OGFOD1: variants seen among roughly 807,000 people sequenced by gnomAD.
OGFOD1 encodes the protein prolyl 3-hydroxylase OGFOD1.
In OGFOD1, 54 loss-of-function variants were observed where a neutral mutation model predicts 67.7. The ratio of observed to expected loss-of-function variants is 0.80; its 90% confidence interval spans 0.64 to 1.00. OGFOD1 has a LOEUF of 1.00. OGFOD1 is among the 50% of genes least tolerant of loss of function. The pLI, the probability that OGFOD1 is intolerant of heterozygous loss-of-function variation, is 0.00. For synonymous variants in OGFOD1, 221 were observed against 227.0 expected (o/e 0.97, Z 0.24); for missense variants, 606 against 646.7 (o/e 0.94, Z 0.68).
chr16:56,453,386 A>C lies in OGFOD1; in HGVS notation c.278A>C (p.Asn93Thr), dbSNP rs759136105. 5 of 1,610,620 alleles carry C rather than the reference A, an allele frequency of 3.1e-6. No individual in the cohort carries two copies. The East Asian group carries it at 1.1e-4, about 36-fold the overall frequency. Residue 93 changes from asparagine to threonine, a missense_variant, in exon 2 of 13, where the codon AAT becomes ACT. Physicochemically the swap from Asn to Thr is moderately conservative, Grantham distance 65 (BLOSUM62 0). Transcript: ENST00000566157. ...AACTTGGACTTCCATGAGAAGTATA[A>C]TGATTTATATAAGTTCCAGCAGGTA... Reference protein sequence around the residue: ...LMNLDFHEKYNDLYKFQQSDD... With the variant: ...LMNLDFHEKYTDLYKFQQSDD...
intron 10 of OGFOD1, 62 bp from the exon 11 acceptor site, chr16:56,474,766 G>A (rs1240780260): frequency 6.5e-6 from 9 of 1,380,332 alleles, no homozygotes; most frequent in Non-Finnish European, 9.0e-6. Flanking sequence ...TGATTCCCTT[G>A]CAATCCAACA....
At chr16:56,467,015 A>C in intron 6 of OGFOD1, 48 bp downstream of exon 6, 1 of 1,539,080 alleles carries the variant, frequency 6.5e-7, no homozygotes, top group Non-Finnish European at 9.0e-7. Context: ...ATGTTTTTTA[A>C]TCACCCATTA....
chr16:56,470,772 G>A lies in OGFOD1; in HGVS notation c.1266G>A (p.Glu422=), dbSNP rs748402653. The A allele has an allele frequency of 9.4e-6, 15 of 1,596,006 alleles. No individual in the cohort carries two copies. Among genetic ancestry groups the A allele is most frequent in the Non-Finnish European group, 1.3e-5 (15 of 1,172,352 alleles). ...QSNEQTDPEP[E]ENETKKESSV... ...ATGAGCAGACAGACCCAGAGCCAGA[G>A]GAAAATGAAACAAAGAAAGGTAAGC... Residue 422 remains glutamate, a synonymous_variant, in exon 10 of 13, where the codon GAG becomes GAA. Coordinates refer to ENST00000566157, the MANE Select transcript of OGFOD1 (RefSeq NM_018233.4).
intron 1 of OGFOD1, among the ~76,000 whole-genome samples, 179 bp from the exon 2 acceptor site, chr16:56,453,084 G>A (rs371244314): frequency 6.6e-5 from 10 of 152,306 alleles, no homozygotes; most frequent in African/African-American, 1.9e-4. Flanking sequence ...TTTAAAAGTA[G>A]TATTTAATGG....
At chr16:56,452,153 G>A (rs1184085176) in intron 1 of OGFOD1, 1 of 171,326 alleles carries the variant, frequency 5.8e-6, no homozygotes, top group East Asian at 1.7e-4. Context: ...TATTTACCTC[G>A]GAAAGTCGGT....
At chr16:56,464,256 G>T in intron 4 of OGFOD1, among the ~76,000 whole-genome samples, 1 of 152,206 alleles carries the variant, frequency 6.6e-6, no homozygotes, top group East Asian at 1.9e-4. Flanking sequence ...ATCAGGTGGT[G>T]CATGGTTTCA....
intron 10 of OGFOD1, among the ~76,000 whole-genome samples, chr16:56,471,133 C>T (rs1963158313): frequency 6.6e-6 from 1 of 151,814 alleles, no homozygotes; most frequent in Non-Finnish European, 1.5e-5. Context: ...AGTCTGATCA[C>T]CTGAGGCCAG....
chr16:56,457,445 T>TA (rs1482213483), intron 2 of OGFOD1, among the ~76,000 whole-genome samples: 1 of 152,266 alleles, frequency 6.6e-6, no homozygotes, highest in Non-Finnish European at 1.5e-5. Context: ...TTTGGAGTGT[T>TA]AAAAAGTTCT....
intron 8 of OGFOD1, 42 bp downstream of exon 8, chr16:56,468,060 G>A (rs1962980497): frequency 9.1e-7 from 1 of 1,102,300 alleles, no homozygotes; most frequent in Non-Finnish European, 1.4e-6. Context: ...TGTTTGGCAT[G>A]CAATTTTGCT....
chr16:56,475,559 T>G lies in OGFOD1; in HGVS notation c.1461T>G (p.Asp487Glu). Reference sequence around the variant, plus strand: ...CTTCTTACATTGCCAAAGGTGAAGATGAAGAGGTAAGTTTCTTCTGATAGC... The same window carrying G: ...CTTCTTACATTGCCAAAGGTGAAGAGGAAGAGGTAAGTTTCTTCTGATAGC... ...GFTSYIAKGE[D>E]EELLTVNPES... Residue 487 changes from aspartate to glutamate, a missense_variant, in exon 12 of 13, where the codon GAT (aspartate) becomes GAG (glutamate). Physicochemically the swap from Asp to Glu is conservative, Grantham distance 45. Coordinates refer to ENST00000566157, the MANE Select transcript of OGFOD1 (RefSeq NM_018233.4). The G allele has an allele frequency of 6.2e-7, 1 of 1,613,874 alleles. No homozygotes were observed. Among genetic ancestry groups the G allele is most frequent in the Non-Finnish European group, 8.5e-7 (1 of 1,179,796 alleles).
At chr16:56,466,724 CA>C in intron 5 of OGFOD1, 151 bp from the exon 6 acceptor site, 1 of 674,900 alleles carries the variant, frequency 1.5e-6, no homozygotes, top group Non-Finnish European at 2.6e-6. Flanking sequence ...GTCAAACTCG[CA>C]AGTATGAGTG....
chr16:56,467,556 A>C (rs1490051409), intron 7 of OGFOD1, among the ~76,000 whole-genome samples: 1 of 151,478 alleles, frequency 6.6e-6, no homozygotes, highest in Non-Finnish European at 1.5e-5. Context: ...CCTCCTGAGT[A>C]GCTGGGCTTA....
Position 56,470,538 on chromosome 16 carries a change from C to T in OGFOD1, c.1032C>T (p.Cys344=), listed in dbSNP as rs1198614703. 6.2e-7 allele frequency: 1 copy of T among 1,614,034 alleles called. No homozygotes were observed. Among genetic ancestry groups the T allele is most frequent in the Non-Finnish European group, 8.5e-7 (1 of 1,179,972 alleles). Residue 344 remains cysteine, a synonymous_variant, in exon 10 of 13, where the codon TGC becomes TGT. Transcript: ENST00000566157. ...ESKLPEILKE[C]MKLFRSEALF... ...AGCTTCCTGAGATATTGAAGGAGTG[C>T]ATGAAGTTATTTCGCTCTGAGGCAC...
rs141907490 is a variant in OGFOD1 at position 56,467,270 on chromosome 16, C to T, written c.763C>T (p.Arg255Trp). Residue 255 changes from arginine (R) to tryptophan (W), a missense_variant, in exon 7 of 13, where the codon CGG becomes TGG. By Grantham distance (101) the Arg-to-Trp change is moderately radical. Coordinates refer to ENST00000566157, the MANE Select transcript of OGFOD1 (RefSeq NM_018233.4). The stretch of plus-strand genomic sequence containing the variant: ...CAACTACTTTGAACCCCCCATACCT[C>T]GGAGCCCTCACATCCCACAAGATGT... Reference protein sequence around the residue: ...PPNYFEPPIPRSPHIPQDHEI... With the variant: ...PPNYFEPPIPWSPHIPQDHEI... The T allele has an allele frequency of 2.7e-5, 44 of 1,613,976 alleles. No homozygotes were observed. The highest frequency in any genetic ancestry group is 6.7e-5 in the Admixed American group (4 of 59,996).
At chr16:56,474,451 A>T (rs893653032) in intron 10 of OGFOD1, among the ~76,000 whole-genome samples, 25 of 151,436 alleles carry the variant, frequency 1.7e-4, no homozygotes, top group African/African-American at 5.8e-4. Context: ...CCTCCCGGGT[A>T]GCTGGATTAC....
chr16:56,451,775 G>A lies in OGFOD1; in HGVS notation c.154+9G>A. The A allele has an allele frequency of 6.2e-7, 1 of 1,611,890 alleles. No individual in the cohort carries two copies. The highest frequency in any genetic ancestry group is 8.5e-7 in the Non-Finnish European group (1 of 1,179,748). On this transcript the variant is annotated intron_variant, in intron 1 of 12. Transcript: ENST00000566157. ...GACGCCGTTCAGTCACGGTAACCGG[G>A]TGCTCTCAGGGAGGGGCCGCCACGC...
rs1265618331 is a variant in OGFOD1, at chr16:56,478,169, T to C, written c.*1964T>C. 6.6e-6 allele frequency: 1 copy of C among 152,100 alleles called. No homozygotes were observed. The highest frequency in any genetic ancestry group is 1.5e-5 in the Non-Finnish European group (1 of 68,006). 9.4% of individuals were successfully genotyped at this position (152,100 alleles called of 1,614,324 possible). ...ACTATTTTGGAGACCACAATTTTTT[T>C]TGCGTTTGAGATGGAGTCTCACTCT... On this transcript the variant is annotated 3_prime_UTR_variant, in exon 13 of 13. Coordinates refer to ENST00000566157, the MANE Select transcript of OGFOD1 (RefSeq NM_018233.4).
At chr16:56,472,816 A>G (rs755725080) in intron 10 of OGFOD1, among the ~76,000 whole-genome samples, 1 of 152,136 alleles carries the variant, frequency 6.6e-6, no homozygotes, top group Non-Finnish European at 1.5e-5. Context: ...TCCACTTAAT[A>G]TTTCATAAAC....
At position 56,461,064 on chromosome 16, in the gene OGFOD1, T is replaced by C. The variant is rs566332983; in HGVS notation, c.348-1470T>C. 4.6e-5 allele frequency among the ~76,000 whole-genome samples: 7 copies of C among 152,362 alleles called. No individual in the cohort carries two copies. In the East Asian group the frequency reaches 5.8e-4, roughly 13 times the overall value. ...GCATTTAATTCAACACTCATCATTA[T>C]TGCCATTTAAAGTTGTTTTAATCTT... On this transcript the variant is annotated intron_variant, in intron 3 of 12. Transcript: ENST00000566157.
Sources: allele counts gnomAD v4.1 joint callset (sites outside exome capture counted in the v4.1 genomes callset), GRCh38; gene constraint gnomAD v4.1.1; transcripts MANE v1.5; gene names NCBI Gene and HGNC (gene_info 2026-07-23, HGNC 2026-07-21).